The following PTPRD variants were observed in gnomAD, a reference collection of about 807,000 sequenced individuals.
The protein encoded by PTPRD is receptor-type tyrosine-protein phosphatase delta.
PTPRD carries 34 observed loss-of-function variants against 214.5 expected under a neutral mutation model. The observed-to-expected ratio is 0.16, with a 90% CI of 0.12 to 0.21. The LOEUF (loss-of-function observed/expected upper bound fraction) is 0.21. Among genes scored for constraint, PTPRD ranks in the 10% least tolerant of loss-of-function variants. The pLI, the probability that PTPRD is intolerant of heterozygous loss-of-function variation, is 1.00. For missense variants in PTPRD, 2,545 were observed against 2,398.7 expected (o/e 1.06, Z -1.27); for synonymous variants, 1,128 against 845.7 (o/e 1.33, Z -5.79).
At chr9:9,225,336 A>G (rs2099958731) in intron 9 of PTPRD, among the ~76,000 whole-genome samples, 2 of 152,020 alleles carry the variant, frequency 1.3e-5, no homozygotes, top group South Asian at 2.1e-4. Flanking sequence ...AACAGTTTCA[A>G]TAAGACACAC....
In PTPRD at chr9:8,709,496, CAG is replaced by C. The variant is rs573073270; in HGVS notation, c.64+24282_64+24283del. Among the ~76,000 whole-genome samples the C allele has an allele frequency of 5.6e-3, 686 of 121,666 alleles. 3 individuals are homozygous for C. The highest frequency in any genetic ancestry group is 0.021 in the African/African-American group (663 of 31,434). 79.8% of individuals were successfully genotyped at this position (121,666 alleles called of 152,430 possible). Reference sequence around the variant, plus strand: ...CATCACTGCACTCCAGCCTGGGAGACAGAGTGAGACTCCATCTCAAAAAAAAA... The same window carrying C: ...CATCACTGCACTCCAGCCTGGGAGACAGTGAGACTCCATCTCAAAAAAAAA... On this transcript the variant is annotated intron_variant, in intron 12 of 45. Transcript: ENST00000381196.
intron 9 of PTPRD, among the ~76,000 whole-genome samples, chr9:9,199,320 CT>C (rs2099940514): frequency 6.6e-6 from 1 of 152,116 alleles, no homozygotes; most frequent in East Asian, 1.9e-4. Flanking sequence ...ATTCAGGGTC[CT>C]AGTATAAACT....
At chr9:10,261,305 G>T (rs1404968556) in intron 3 of PTPRD, among the ~76,000 whole-genome samples, 1 of 151,760 alleles carries the variant, frequency 6.6e-6, no homozygotes, top group East Asian at 1.9e-4. Context: ...AAAAAGAAAT[G>T]CTCTATGTCA....
At chr9:9,179,873 G>A (rs2099927157) in intron 10 of PTPRD, among the ~76,000 whole-genome samples, 1 of 151,998 alleles carries the variant, frequency 6.6e-6, no homozygotes, top group Non-Finnish European at 1.5e-5. Flanking sequence ...CTAACATGGA[G>A]ATAAAGTACA....
chr9:9,931,266 C>T (rs1157252424), intron 5 of PTPRD, among the ~76,000 whole-genome samples: 1 of 152,170 alleles, frequency 6.6e-6, no homozygotes, highest in Non-Finnish European at 1.5e-5. Context: ...CAGCTCCCAG[C>T]GTGAGCGACG....
intron 36 of PTPRD, among the ~76,000 whole-genome samples, chr9:8,402,363 G>A (rs867017975): frequency 6.6e-6 from 1 of 152,102 alleles, no homozygotes; most frequent in Non-Finnish European, 1.5e-5. Flanking sequence ...ATACAAGGAG[G>A]TATAGTTTTT....
chr9:10,144,804 AC>A lies in PTPRD; in HGVS notation c.-544-111015del, dbSNP rs1163600149. On this transcript the variant is annotated intron_variant, in intron 3 of 45. Coordinates refer to ENST00000381196, the MANE Select transcript of PTPRD (RefSeq NM_002839.4). ...CTCTCTCTAATGGATTATAATGTTA[AC>A]AAAAAAATCATTTCAGAATGAAATT... 2.6e-5 allele frequency among the ~76,000 whole-genome samples: 4 copies of A among 152,008 alleles called. No individual in the cohort carries two copies. The East Asian group carries it at 7.7e-4, about 29-fold the overall frequency.
At chr9:10,194,456 T>C (rs1184532362) in intron 3 of PTPRD, among the ~76,000 whole-genome samples, 1 of 151,234 alleles carries the variant, frequency 6.6e-6, no homozygotes, top group Admixed American at 6.6e-5. Context: ...TATATAATTA[T>C]AAAGTGAGAA....
intron 10 of PTPRD, among the ~76,000 whole-genome samples, chr9:9,178,169 CAG>C (rs1459948481): frequency 1.3e-5 from 2 of 151,908 alleles, no homozygotes; most frequent in East Asian, 3.9e-4. Flanking sequence ...TTAGTTTAAT[CAG>C]AGTGTGGCTG....
chr9:8,780,930 C>T (rs117003997), intron 11 of PTPRD, among the ~76,000 whole-genome samples: 2 of 152,182 alleles, frequency 1.3e-5, no homozygotes, highest in African/African-American at 4.8e-5. Flanking sequence ...TGCTATTGAT[C>T]AGCTGTGGTC....
At chr9:9,853,031 G>A (rs1171299630) in intron 5 of PTPRD, among the ~76,000 whole-genome samples, 1 of 152,078 alleles carries the variant, frequency 6.6e-6, no homozygotes, top group African/African-American at 2.4e-5. Context: ...ACTTCACATG[G>A]TCTAATTCTA....
chr9:9,358,185 A>G (rs1392120610), intron 9 of PTPRD, among the ~76,000 whole-genome samples: 2 of 151,306 alleles, frequency 1.3e-5, no homozygotes, highest in East Asian at 1.9e-4. Flanking sequence ...AGGTACTTGT[A>G]ACATTTGGAA....
intron 3 of PTPRD, among the ~76,000 whole-genome samples, chr9:10,243,611 T>A (rs2091537451): frequency 1.3e-5 from 2 of 151,994 alleles, no homozygotes; most frequent in Admixed American, 1.3e-4. Context: ...TCTTCTGAAA[T>A]CCCATTGGGA....
chr9:9,490,223 T>C (rs1041237816), intron 8 of PTPRD, among the ~76,000 whole-genome samples: 1 of 152,050 alleles, frequency 6.6e-6, no homozygotes, highest in Non-Finnish European at 1.5e-5. Context: ...CTGGAGTTTG[T>C]TACCACTAAA....
intron 8 of PTPRD, among the ~76,000 whole-genome samples, chr9:9,510,799 A>G (rs976235468): frequency 6.6e-6 from 1 of 151,722 alleles, no homozygotes; most frequent in African/African-American, 2.4e-5. Flanking sequence ...GTGGCAAAAC[A>G]TATTTTTTCA....
At chr9:8,933,340 G>GTTTTGTTTTTT (rs2098966631) in intron 11 of PTPRD, among the ~76,000 whole-genome samples, 2 of 80,430 alleles carry the variant, frequency 2.5e-5, no homozygotes, top group African/African-American at 1.0e-4. Context: ...CAACCTTGAG[G>GTTTTGTTTTTT]TTTTTTTTTT....
intron 14 of PTPRD, among the ~76,000 whole-genome samples, chr9:8,581,575 C>G (rs113583783): frequency 2.0e-5 from 3 of 151,340 alleles, no homozygotes; most frequent in African/African-American, 7.3e-5. Flanking sequence ...AGTGAAACCC[C>G]ATCTCTACTA....
intron 11 of PTPRD, among the ~76,000 whole-genome samples, chr9:8,774,374 A>G (rs1424673052): frequency 6.6e-6 from 1 of 152,158 alleles, no homozygotes; most frequent in Non-Finnish European, 1.5e-5. Context: ...CAGTGCCTTC[A>G]GAAAGGGAGA....
intron 9 of PTPRD, among the ~76,000 whole-genome samples, chr9:9,370,547 T>A (rs2059176187): frequency 6.6e-6 from 1 of 151,708 alleles, no homozygotes; most frequent in South Asian, 2.1e-4. Context: ...TACAATCATG[T>A]CATCTGCAAA....
Sources: gnomAD v4.1 joint callset for allele counts (sites outside exome capture counted in the v4.1 genomes callset) on GRCh38, gnomAD v4.1.1 for gene constraint, MANE v1.5 for transcripts, NCBI Gene and HGNC (gene_info 2026-07-23, HGNC 2026-07-21) for gene names.